Variants in PRSS55 observed in about 807,000 individuals in gnomAD.
PRSS55 encodes serine protease 55, also known as probable serine protease UNQ9391/PRO34284.
In PRSS55, 41 loss-of-function variants were observed where a neutral mutation model predicts 23.6. The observed-to-expected ratio is 1.74, with a 90% CI of 1.35 to 2.26. The LOEUF (loss-of-function observed/expected upper bound fraction) is 2.26, where lower values mean the gene tolerates loss of function less well. Ranked by LOEUF, PRSS55 falls within the 30% of genes most tolerant of loss-of-function variation. The pLI is 0.00. For missense variants in PRSS55, 669 were observed against 439.1 expected (o/e 1.52, Z -4.68); for synonymous variants, 262 against 175.5 (o/e 1.49, Z -3.90).
chr8:10,540,161 C>G (rs905073386), downstream of PRSS55: 1 of 152,348 alleles, frequency 6.6e-6, no homozygotes, highest in African/African-American at 2.4e-5. Context: ...GCAGGACTCC[C>G]CCACCCTGCA....
At position 10,538,497 on chromosome 8, in the gene PRSS55, G is replaced by T. The variant is rs1812533603; in HGVS notation, c.763G>T (p.Val255Phe). The change falls in exon 5 of 5, where the codon GTC becomes TTC. Residue 255 changes from valine to phenylalanine, a missense_variant. Val to Phe is a conservative substitution (Grantham distance 50). Transcript: ENST00000328655. The part of the protein sequence containing the change: ...ACKGDSGGPL[V>F]CTPEPGEKWY... ...ACAGGGTGACAGTGGGGGGCCTCTG[G>T]TCTGCACCCCAGAGCCTGGTGAGAA... is the stretch of plus-strand genomic sequence containing the variant. The T allele has an allele frequency of 1.9e-6, 3 of 1,613,628 alleles. No individual in the cohort carries two copies. Among genetic ancestry groups the T allele is most frequent in the Non-Finnish European group, 2.5e-6 (3 of 1,179,852 alleles).
rs1425392193 is a variant in PRSS55, at chr8:10,538,230, GGC to G, written c.742-245_742-244del. Among the ~76,000 whole-genome samples, 22 of 152,034 alleles carry G rather than the reference GGC, an allele frequency of 1.4e-4. 1 individual carries two copies. Among genetic ancestry groups the G allele is most frequent in the Admixed American group, 5.2e-4 (8 of 15,272 alleles). On this transcript the variant is annotated intron_variant, in intron 4 of 4. Transcript: ENST00000328655. ...AGATGGAGTGGTCTTTTCTTACCAA[GGC>G]TTCCCCCTTCCTTCCCCATCTTCAG...
intron 4 of PRSS55, 109 bp downstream of exon 4, chr8:10,533,157 T>C (rs558061757): frequency 2.4e-6 from 3 of 1,230,006 alleles, no homozygotes; most frequent in East Asian, 4.8e-5. Context: ...GTCTGGAAAA[T>C]GTATGGGAAT....
At chr8:10,541,676 C>T (rs1399222284), downstream of PRSS55, 3 of 152,128 alleles carry the variant, frequency 2.0e-5, no homozygotes, top group African/African-American at 7.2e-5. Flanking sequence ...CCTGTTTTTT[C>T]TGGAAAACCT....
Position 10,531,325 on chromosome 8 carries a change from C to T in PRSS55, c.378C>T (p.Thr126=), listed in dbSNP as rs186075393. 1 of 1,614,132 alleles carries T rather than the reference C, an allele frequency of 6.2e-7. No homozygotes were observed. The highest frequency in any genetic ancestry group is 1.1e-5 in the South Asian group (1 of 91,080). ...AAGAACTGAGTGTCGTGCTGGGGAC[C>T]AACGACTTAACTAGCCCATCCATGG... The part of the protein sequence containing the change: ...FPEELSVVLG[T]NDLTSPSMEI... The change falls in exon 3 of 5, where the codon ACC becomes ACT. Residue 126 remains threonine (T), a synonymous_variant. Coordinates refer to ENST00000328655, the MANE Select transcript of PRSS55 (RefSeq NM_198464.4).
downstream of PRSS55, among the ~76,000 whole-genome samples, chr8:10,539,264 A>G (rs1466996198): frequency 2.6e-5 from 4 of 152,192 alleles, no homozygotes; most frequent in East Asian, 7.7e-4. Flanking sequence ...TGGATTGGAC[A>G]AGGCCCACCC....
At chr8:10,540,601 G>C (rs1812626993), downstream of PRSS55, 1 of 152,168 alleles carries the variant, frequency 6.6e-6, no homozygotes, top group African/African-American at 2.4e-5. Flanking sequence ...TGTAATCCCA[G>C]CCAATCGGGA....
In PRSS55 at chr8:10,529,435, C is replaced by T. The variant is rs765103335; in HGVS notation, c.155-72C>T. The T allele has an allele frequency of 2.5e-5, 37 of 1,490,838 alleles. No individual in the cohort carries two copies. In the Admixed American group the frequency reaches 3.2e-4, roughly 13 times the overall value. 92.4% of individuals were successfully genotyped at this position (1,490,838 alleles called of 1,614,324 possible). A position where few individuals can be genotyped will look rare whatever the true frequency, so the allele number is the denominator to read the frequency against. On this transcript the variant is annotated intron_variant, in intron 1 of 4. Coordinates refer to ENST00000328655, the MANE Select transcript of PRSS55 (RefSeq NM_198464.4). ...ACTTGGAAGCCTGCTCCTCCCAGCC[C>T]GGTCCCCAGCTCACACTGGATGCTG...
At chr8:10,528,909 G>C (rs1349628477) in intron 1 of PRSS55, among the ~76,000 whole-genome samples, 1 of 152,084 alleles carries the variant, frequency 6.6e-6, no homozygotes, top group African/African-American at 2.4e-5. Flanking sequence ...CAGCTATGTT[G>C]CGTCTCTTTG....
chr8:10,539,659 C>T (rs896140687), downstream of PRSS55, among the ~76,000 whole-genome samples: 5 of 152,164 alleles, frequency 3.3e-5, no homozygotes, highest in Admixed American at 6.5e-5. Context: ...GTAAGTCTCA[C>T]GAGATCTGAT....
chr8:10,545,543 A>G (rs371648357), intron 4 of PRSS55, among the ~76,000 whole-genome samples: 7 of 152,340 alleles, frequency 4.6e-5, no homozygotes, highest in African/African-American at 1.7e-4. Flanking sequence ...GACCAGCAGT[A>G]GTCCCTGTTC....
chr8:10,529,654 G>A lies in PRSS55; in HGVS notation c.302G>A (p.Trp101Ter). ...TGTGGCGGCTCCATCCTCAACAAGT[G>A]GTGGATTCTCACTGCGGCTCACTGC... is the stretch of plus-strand genomic sequence containing the variant. ...PFCGGSILNKWWILTAAHCLY... is the reference protein window; with the variant it reads ...PFCGGSILNK Residue 101 changes from tryptophan to a stop codon, truncating the protein, a stop_gained, in exon 2 of 5, where the codon TGG becomes TAG. Transcript: ENST00000328655. LOFTEE classifies it high-confidence loss of function. 1 of 1,614,168 alleles carries A rather than the reference G, an allele frequency of 6.2e-7. No homozygotes were observed. The highest frequency in any genetic ancestry group is 8.5e-7 in the Non-Finnish European group (1 of 1,180,020).
At chr8:10,537,362 T>C (rs1242348163) in intron 4 of PRSS55, among the ~76,000 whole-genome samples, 1 of 152,022 alleles carries the variant, frequency 6.6e-6, no homozygotes, top group Non-Finnish European at 1.5e-5. Flanking sequence ...TTAAGTAAAA[T>C]AAGCCAGGTA....
intron 3 of PRSS55, among the ~76,000 whole-genome samples, chr8:10,532,360 T>G (rs1309948052): frequency 1.3e-5 from 2 of 151,998 alleles, no homozygotes; most frequent in African/African-American, 4.8e-5. Flanking sequence ...GTGGTCAGAG[T>G]TAATGAGATG....
At chr8:10,545,625 A>C (rs1215929603) in intron 4 of PRSS55, among the ~76,000 whole-genome samples, 1 of 152,204 alleles carries the variant, frequency 6.6e-6, no homozygotes, top group Non-Finnish European at 1.5e-5. Context: ...CTGGCTACCA[A>C]GCCCAGGCTT....
At chr8:10,550,739 G>T (rs1013703641) in intron 4 of PRSS55, among the ~76,000 whole-genome samples, 2 of 152,298 alleles carry the variant, frequency 1.3e-5, no homozygotes, top group African/African-American at 4.8e-5. Context: ...AGCTTCTCCT[G>T]AAGATGTCGC....
chr8:10,538,885 T>C (rs575821715), downstream of PRSS55: 24 of 1,324,448 alleles, frequency 1.8e-5, no homozygotes, highest in African/African-American at 2.6e-4. Flanking sequence ...GGCTCAAGGA[T>C]GGAAATTGAG....
At position 10,531,452 on chromosome 8, in the gene PRSS55, G is replaced by A. The variant is rs147051442; in HGVS notation, c.505G>A (p.Asp169Asn). ...LLLLASPIKL[D>N]DLKVPICLPT... The stretch of plus-strand genomic sequence containing the variant: ...GCTGCTGGCTTCGCCCATCAAGCTC[G>A]ATGACCTGAAGGTGCCCATCTGCCT... Residue 169 changes from aspartate to asparagine, a missense_variant, in exon 3 of 5, where the codon GAT (aspartate) becomes AAT (asparagine). Transcript: ENST00000328655. 14 of 1,614,144 alleles carry A rather than the reference G, an allele frequency of 8.7e-6. No individual in the cohort carries two copies. The highest frequency in any genetic ancestry group is 6.7e-5 in the East Asian group (3 of 44,884).
chr8:10,544,019 A>G (rs148319134), intron 4 of PRSS55, among the ~76,000 whole-genome samples: 1 of 152,326 alleles, frequency 6.6e-6, no homozygotes, highest in Admixed American at 6.5e-5. Context: ...AGCGTGTTCT[A>G]TAGATGTTTA....
Sources: allele counts gnomAD v4.1 joint callset (sites outside exome capture counted in the v4.1 genomes callset), GRCh38; gene constraint gnomAD v4.1.1; transcripts MANE v1.5; gene names NCBI Gene and HGNC (gene_info 2026-07-23, HGNC 2026-07-21).